Variants in RIPOR3 observed in about 807,000 individuals in gnomAD.
RIPOR3 encodes RIPOR family member 3, also known as family with sequence similarity 65 member C.
RIPOR3 carries 95 observed loss-of-function variants against 114.3 expected under a neutral mutation model. That is an observed-to-expected ratio of 0.83 (90% CI 0.70 to 0.99). RIPOR3 has a LOEUF of 0.99. Ranked by LOEUF, RIPOR3 falls within the 50% of genes least tolerant of loss-of-function variation. The pLI is 0.00. For synonymous variants in RIPOR3, 575 were observed against 543.8 expected, an observed-to-expected ratio of 1.06 and a Z score of -0.80; for missense variants, 1,252 against 1,266.9, an observed-to-expected ratio of 0.99 and a Z score of 0.18.
rs1465976294 is a variant in RIPOR3 at position 50,597,614 on chromosome 20, CA to C, written c.1755del (p.Asp585GlufsTer24). On this transcript the variant is annotated frameshift_variant, in exon 14 of 22. Transcript: ENST00000327979. LOFTEE classifies it high-confidence loss of function. ...FAFLNADFAL[D>X]ELSLFGGSQG... ...TGGGAGCCCCCAAACAGGGACAGCTCATCCAGGGCGAAGTCGGCATTGAGGA... is the reference window on the plus strand; with the variant it reads ...TGGGAGCCCCCAAACAGGGACAGCTCTCCAGGGCGAAGTCGGCATTGAGGA... 1.2e-6 allele frequency: 2 copies of C among 1,610,910 alleles called. No individual in the cohort carries two copies. The highest frequency in any genetic ancestry group is 3.4e-5 in the Admixed American group (2 of 59,680).
intron 13 of RIPOR3, among the ~76,000 whole-genome samples, chr20:50,599,903 C>CTTT (rs10639593): frequency 0.11 from 16,019 of 151,468 alleles, 1,822 homozygotes; most frequent in African/African-American, 0.29. Flanking sequence ...CACACACACA[C>CTTT]TTTTTTTTCT....
chr20:50,654,222 A>G (rs2085723361), intron 1 of RIPOR3, among the ~76,000 whole-genome samples: 1 of 151,674 alleles, frequency 6.6e-6, no homozygotes, highest in Non-Finnish European at 1.5e-5. Flanking sequence ...GCTGGAGTAC[A>G]GTGGCGCAAT....
chr20:50,622,810 A>G (rs1469533303), intron 2 of RIPOR3, among the ~76,000 whole-genome samples: 2 of 152,172 alleles, frequency 1.3e-5, no homozygotes, highest in Non-Finnish European at 2.9e-5. Context: ...CTGTCTTTTC[A>G]CTGGTAAAAT....
intron 17 of RIPOR3, among the ~76,000 whole-genome samples, chr20:50,594,157 TC>T (rs2122888271): frequency 6.6e-6 from 1 of 151,400 alleles, no homozygotes; most frequent in Non-Finnish European, 1.5e-5. Flanking sequence ...ACACCTGTAA[TC>T]CCAGCTACTC....
intron 9 of RIPOR3, 48 bp downstream of exon 9, chr20:50,608,864 A>G (rs1288204136): frequency 6.2e-7 from 1 of 1,604,596 alleles, no homozygotes. Flanking sequence ...CCGTCCCCCA[A>G]AGACCTGGCG....
chr20:50,646,393 A>C (rs934630378), intron 1 of RIPOR3, among the ~76,000 whole-genome samples: 2 of 152,004 alleles, frequency 1.3e-5, no homozygotes, highest in African/African-American at 4.8e-5. Context: ...GGGCCTCCCA[A>C]AGTGCTGGGA....
chr20:50,587,499 C>T (rs554325591), intron 21 of RIPOR3, among the ~76,000 whole-genome samples, 167 bp from the exon 22 acceptor site: 1 of 152,312 alleles, frequency 6.6e-6, no homozygotes, highest in Admixed American at 6.5e-5. Flanking sequence ...ACTCACATGG[C>T]CTGGGGGCCT....
chr20:50,607,158 C>A (rs938021941), intron 11 of RIPOR3, among the ~76,000 whole-genome samples: 1 of 152,228 alleles, frequency 6.6e-6, no homozygotes, highest in African/African-American at 2.4e-5. Context: ...CAAGACCCTC[C>A]ACCAGTAACA....
intron 15 of RIPOR3, 145 bp from the exon 16 acceptor site, chr20:50,595,649 C>T: frequency 8.1e-7 from 1 of 1,235,552 alleles, no homozygotes; most frequent in Non-Finnish European, 1.1e-6. Context: ...TCCCCTTTCA[C>T]CAAGGTGGCT....
At chr20:50,655,669 CTGTGTGTGTG>C (rs11469999) in intron 1 of RIPOR3, among the ~76,000 whole-genome samples, 36 of 145,284 alleles carry the variant, frequency 2.5e-4, no homozygotes, top group East Asian at 1.6e-3. Context: ...TTAGCGTGGG[CTGTGTGTGTG>C]TGTGTGTGTG....
At chr20:50,688,106 A>G (rs1434058648) in intron 1 of RIPOR3, among the ~76,000 whole-genome samples, 1 of 152,198 alleles carries the variant, frequency 6.6e-6, no homozygotes, top group East Asian at 1.9e-4. Context: ...CTTCAGAAAT[A>G]CCAGTTAATA....
intron 1 of RIPOR3, among the ~76,000 whole-genome samples, chr20:50,635,846 G>C (rs2123287835): frequency 6.6e-6 from 1 of 152,364 alleles, no homozygotes; most frequent in Admixed American, 6.5e-5. Flanking sequence ...CCGCAGCTCT[G>C]CTGAGGACAC....
intron 19 of RIPOR3, among the ~76,000 whole-genome samples, chr20:50,590,223 T>C (rs1377478832): frequency 6.6e-6 from 1 of 152,220 alleles, no homozygotes; most frequent in African/African-American, 2.4e-5. Flanking sequence ...GCGGTGACCC[T>C]GCCCTCTTCG....
intron 1 of RIPOR3, among the ~76,000 whole-genome samples, chr20:50,654,394 T>C (rs2085731049): frequency 1.4e-5 from 2 of 146,852 alleles, no homozygotes; most frequent in South Asian, 4.4e-4. Context: ...CTCGAACTCC[T>C]GACCTCATGA....
At chr20:50,609,524 G>A in intron 7 of RIPOR3, 49 bp downstream of exon 7, 1 of 1,433,264 alleles carries the variant, frequency 7.0e-7, no homozygotes, top group Non-Finnish European at 9.1e-7. Flanking sequence ...CCACTGCCCG[G>A]CCCAGCTCTT....
chr20:50,662,737 G>T (rs953734412), intron 1 of RIPOR3, among the ~76,000 whole-genome samples: 2 of 152,080 alleles, frequency 1.3e-5, no homozygotes, highest in South Asian at 2.1e-4. Flanking sequence ...CTGGTGACAC[G>T]GGGGAAGTCA....
intron 6 of RIPOR3, among the ~76,000 whole-genome samples, 172 bp from the exon 7 acceptor site, chr20:50,609,894 C>T (rs2083887806): frequency 6.6e-6 from 1 of 152,088 alleles, no homozygotes; most frequent in South Asian, 2.1e-4. Flanking sequence ...TCACCCCTGG[C>T]CCCAGTAGAA....
chr20:50,627,346 CA>C (rs71190580), intron 2 of RIPOR3, among the ~76,000 whole-genome samples: 41,181 of 131,660 alleles, frequency 0.31, 9,168 homozygotes, highest in African/African-American at 0.66. Context: ...ACTAAAAATA[CA>C]AAAAAAAAAA....
Position 50,682,050 on chromosome 20 carries a change from A to G in RIPOR3, c.3+9076T>C, listed in dbSNP as rs146763854. Among the ~76,000 whole-genome samples the G allele has an allele frequency of 1.4e-3, 214 of 152,358 alleles. 2 individuals carry two copies. The highest frequency in any genetic ancestry group is 6.8e-3 in the Middle Eastern group (2 of 294). ...CAACCATTAGAAGATAATTCAGCAT[A>G]CGATTTCATATTCCAGCAATTCTAC... is the stretch of plus-strand genomic sequence containing the variant. On this transcript the variant is annotated intron_variant, in intron 1 of 21. Transcript: ENST00000327979.
Sources: allele counts gnomAD v4.1 joint callset (sites outside exome capture counted in the v4.1 genomes callset), GRCh38; gene constraint gnomAD v4.1.1; transcripts MANE v1.5; gene names NCBI Gene and HGNC (gene_info 2026-07-23, HGNC 2026-07-21).